Variants in CACHD1 observed in about 807,000 individuals in gnomAD.
CACHD1 encodes VWFA and cache domain-containing protein 1.
Under a neutral mutation model 138.7 loss-of-function variants are expected in CACHD1, and 71 were observed. The ratio of observed to expected loss-of-function variants is 0.51; its 90% CI spans 0.42 to 0.62. The LOEUF (loss-of-function observed/expected upper bound fraction) is 0.62, where lower values mean the gene tolerates loss of function less well. Ranked by LOEUF, CACHD1 falls within the 20% of genes least tolerant of loss-of-function variation. The pLI, the probability that CACHD1 is intolerant of heterozygous loss-of-function variation, is 0.00. For synonymous variants in CACHD1, 578 were observed against 591.5 expected, an observed-to-expected ratio of 0.98 and a Z score of 0.33; for missense variants, 1,389 against 1,625.3, an observed-to-expected ratio of 0.85 and a Z score of 2.50.
intron 4 of CACHD1, among the ~76,000 whole-genome samples, chr1:64,625,471 A>G (rs1648064139): frequency 6.6e-6 from 1 of 152,104 alleles, no homozygotes; most frequent in Admixed American, 6.5e-5. Context: ...TACTAAAAAT[A>G]CAAAAATTAG....
chr1:64,483,902 C>G (rs536026925), intron 1 of CACHD1, among the ~76,000 whole-genome samples: 1 of 140,286 alleles, frequency 7.1e-6, no homozygotes, highest in African/African-American at 2.6e-5. Context: ...TCTTTCAGCA[C>G]TCCAAGCACA....
chr1:64,534,969 T>C (rs368427966), intron 1 of CACHD1, among the ~76,000 whole-genome samples: 1 of 152,358 alleles, frequency 6.6e-6, no homozygotes, highest in East Asian at 1.9e-4. Context: ...TGTCATGCAT[T>C]CTGCCAAGCC....
At chr1:64,513,335 C>T (rs1439634371) in intron 1 of CACHD1, among the ~76,000 whole-genome samples, 1 of 152,150 alleles carries the variant, frequency 6.6e-6, no homozygotes, top group African/African-American at 2.4e-5. Context: ...TAAATCTTCC[C>T]CAATTGAGAA....
rs187908462 is a variant in CACHD1 at position 64,492,941 on chromosome 1, C to G, written c.198+21999C>G. 3.9e-5 allele frequency among the ~76,000 whole-genome samples: 6 copies of G among 152,248 alleles called. No individual in the cohort carries two copies. In the East Asian group the frequency reaches 1.2e-3, roughly 29 times the overall value. Reference sequence around the variant, plus strand: ...AGCAGTAGAGACTACATCTGCTTTCCCTGAATCCCTACCTTCAATAGTGCC... The same window carrying G: ...AGCAGTAGAGACTACATCTGCTTTCGCTGAATCCCTACCTTCAATAGTGCC... On this transcript the variant is annotated intron_variant, in intron 1 of 26. Coordinates refer to ENST00000651257, the MANE Select transcript of CACHD1 (RefSeq NM_020925.4).
At chr1:64,638,879 A>G (rs1553141850) in intron 7 of CACHD1, among the ~76,000 whole-genome samples, 1 of 152,232 alleles carries the variant, frequency 6.6e-6, no homozygotes, top group Non-Finnish European at 1.5e-5. Context: ...TCTGATAAGA[A>G]TGGAAAAATA....
intron 1 of CACHD1, among the ~76,000 whole-genome samples, chr1:64,543,402 C>CATAT (rs140966471): frequency 0.25 from 31,358 of 126,484 alleles, 4,247 homozygotes; most frequent in Admixed American, 0.33. Context: ...AAAAAAAATA[C>CATAT]ATATATATAT....
Position 64,632,251 on chromosome 1 carries a change from T to C in CACHD1, c.645-348T>C, listed in dbSNP as rs1187149106. 1.1e-4 allele frequency among the ~76,000 whole-genome samples: 10 copies of C among 90,108 alleles called. No homozygotes were observed. In the East Asian group the frequency reaches 2.1e-3, roughly 19 times the overall value. The allele number at this position is 90,108 out of a possible 152,430, so 59.1% of individuals were successfully genotyped here. A position where few individuals can be genotyped will look rare whatever the true frequency, so the allele number is the denominator to read the frequency against. On this transcript the variant is annotated intron_variant, in intron 5 of 26. Coordinates refer to ENST00000651257, the MANE Select transcript of CACHD1 (RefSeq NM_020925.4). ...TTAAAGAACACTAACATCCTGCTTT[T>C]TTCTGAAAAAAAAAAAAAAAAAAAA... is the stretch of plus-strand genomic sequence containing the variant.
intron 1 of CACHD1, among the ~76,000 whole-genome samples, chr1:64,506,693 AG>A (rs1262845398): frequency 2.6e-5 from 4 of 152,208 alleles, no homozygotes; most frequent in African/African-American, 9.7e-5. Flanking sequence ...TCTTATGCTA[AG>A]TATCTGGTGT....
chr1:64,517,647 T>G (rs905905233), intron 1 of CACHD1, among the ~76,000 whole-genome samples: 4 of 152,052 alleles, frequency 2.6e-5, no homozygotes, highest in African/African-American at 9.7e-5. Flanking sequence ...CACTAGGGCT[T>G]TAAAGGCCAT....
chr1:64,553,203 G>A (rs566117311), intron 2 of CACHD1, among the ~76,000 whole-genome samples: 31 of 152,250 alleles, frequency 2.0e-4, no homozygotes, highest in Middle Eastern at 3.4e-3. Flanking sequence ...TCATATTTAC[G>A]CATTTATTGA....
At chr1:64,649,505 G>A (rs1311180809) in intron 9 of CACHD1, among the ~76,000 whole-genome samples, 1 of 152,156 alleles carries the variant, frequency 6.6e-6, no homozygotes, top group East Asian at 1.9e-4. Flanking sequence ...ACATTACTGA[G>A]TGCCAGCCAA....
chr1:64,510,344 TC>T (rs1453997631), intron 1 of CACHD1, among the ~76,000 whole-genome samples: 1 of 152,188 alleles, frequency 6.6e-6, no homozygotes, highest in African/African-American at 2.4e-5. Flanking sequence ...AGGCAAGTGA[TC>T]CTCTCTCCTG....
At chr1:64,539,229 A>G (rs1455059325) in intron 1 of CACHD1, among the ~76,000 whole-genome samples, 2 of 152,226 alleles carry the variant, frequency 1.3e-5, no homozygotes, top group African/African-American at 4.8e-5. Flanking sequence ...GGCCCTGAGC[A>G]TGTGGAATAT....
At chr1:64,483,998 C>T (rs961362973) in intron 1 of CACHD1, among the ~76,000 whole-genome samples, 10 of 152,086 alleles carry the variant, frequency 6.6e-5, no homozygotes, top group Non-Finnish European at 1.3e-4. Flanking sequence ...TGAAACAGCA[C>T]CGTCCCTTGC....
At chr1:64,649,241 G>A (rs527288688) in intron 9 of CACHD1, among the ~76,000 whole-genome samples, 5 of 152,092 alleles carry the variant, frequency 3.3e-5, no homozygotes, top group African/African-American at 9.6e-5. Context: ...GTCTCACCCC[G>A]GCCGGAGTGC....
At chr1:64,523,663 G>A (rs1045153983) in intron 1 of CACHD1, among the ~76,000 whole-genome samples, 1 of 152,080 alleles carries the variant, frequency 6.6e-6, no homozygotes, top group African/African-American at 2.4e-5. Context: ...TTGGTTGCAG[G>A]GTTATGTGAG....
At chr1:64,583,734 T>C (rs1264129659) in intron 3 of CACHD1, among the ~76,000 whole-genome samples, 1 of 151,842 alleles carries the variant, frequency 6.6e-6, no homozygotes, top group Non-Finnish European at 1.5e-5. Context: ...TGGCGGAAAG[T>C]GAAGGAGGAG....
intron 2 of CACHD1, among the ~76,000 whole-genome samples, chr1:64,550,881 T>G (rs919866427): frequency 6.6e-6 from 1 of 152,240 alleles, no homozygotes; most frequent in Admixed American, 6.5e-5. Context: ...AATTTGGAAC[T>G]ATTTAATTCC....
In CACHD1 at chr1:64,475,532, G is replaced by A. The variant is rs193170881; in HGVS notation, c.198+4590G>A. On this transcript the variant is annotated intron_variant, in intron 1 of 26. Coordinates refer to ENST00000651257, the MANE Select transcript of CACHD1 (RefSeq NM_020925.4). ...AGCTTCTGCTCTATGAAGGGTCTTGGGTTAGATTTTATTTATTTATTTTTT... is the reference window on the plus strand; with the variant it reads ...AGCTTCTGCTCTATGAAGGGTCTTGAGTTAGATTTTATTTATTTATTTTTT... Among the ~76,000 whole-genome samples the A allele has an allele frequency of 6.8e-4, 103 of 151,308 alleles. 1 individual carries two copies. The highest frequency in any genetic ancestry group is 2.2e-3 in the African/African-American group (91 of 41,268).
Sources: gnomAD v4.1 joint callset for allele counts (sites outside exome capture counted in the v4.1 genomes callset) on GRCh38, gnomAD v4.1.1 for gene constraint, MANE v1.5 for transcripts, NCBI Gene and HGNC (gene_info 2026-07-23, HGNC 2026-07-21) for gene names.